The following PDZRN4 variants were observed in gnomAD, a reference collection of about 807,000 sequenced individuals.
PDZRN4 encodes PDZ domain-containing RING finger protein 4.
PDZRN4 carries 70 observed loss-of-function variants against 99.0 expected under a neutral mutation model. That is an observed-to-expected ratio of 0.71 (90% CI 0.58 to 0.86). PDZRN4 has a LOEUF of 0.86. Among genes scored for constraint, PDZRN4 ranks in the 40% least tolerant of loss-of-function variants. PDZRN4 has a pLI of 0.00. For missense variants in PDZRN4, 1,474 were observed against 1,331.2 expected (o/e 1.11, Z -1.67); for synonymous variants, 551 against 501.6 (o/e 1.10, Z -1.32).
At chr12:41,280,748 G>C (rs765952103) in intron 3 of PDZRN4, among the ~76,000 whole-genome samples, 1 of 152,118 alleles carries the variant, frequency 6.6e-6, no homozygotes, top group Non-Finnish European at 1.5e-5. Flanking sequence ...ATCTCCCTGG[G>C]ACAGAGCACC....
At chr12:41,301,609 C>T (rs576518445) in intron 3 of PDZRN4, among the ~76,000 whole-genome samples, 1 of 152,168 alleles carries the variant, frequency 6.6e-6, no homozygotes, top group African/African-American at 2.4e-5. Context: ...GTTAATCATA[C>T]TACATATTAT....
At chr12:41,196,573 T>A (rs2120649511) in intron 3 of PDZRN4, among the ~76,000 whole-genome samples, 1 of 152,244 alleles carries the variant, frequency 6.6e-6, no homozygotes, top group African/African-American at 2.4e-5. Flanking sequence ...TTTGAGTGAA[T>A]AGATATTTGT....
intron 3 of PDZRN4, among the ~76,000 whole-genome samples, chr12:41,344,196 A>G (rs897001648): frequency 6.6e-6 from 1 of 152,098 alleles, no homozygotes; most frequent in Non-Finnish European, 1.5e-5. Flanking sequence ...ATCTTAAATT[A>G]TATTTTCAAC....
In PDZRN4 at chr12:41,506,620, G is replaced by A. The variant is rs74483136; in HGVS notation, c.1008G>A (p.Thr336=). Residue 336 remains threonine, a synonymous_variant, in exon 4 of 10, where the codon ACG becomes ACA. Coordinates refer to ENST00000402685, the MANE Select transcript of PDZRN4 (RefSeq NM_001164595.2). ...EVQLMNASTQ[T]DITFEHIMAL... Reference sequence around the variant, plus strand: ...AGCTTATGAATGCCAGCACTCAGACGGACATCACCTTCGAACACATCATGG... The same window carrying A: ...AGCTTATGAATGCCAGCACTCAGACAGACATCACCTTCGAACACATCATGG... 6.7e-3 allele frequency: 10,787 copies of A among 1,613,846 alleles called. 615 individuals carry two copies. The East Asian group carries it at 0.15, about 23-fold the overall frequency.
intron 3 of PDZRN4, among the ~76,000 whole-genome samples, chr12:41,503,150 A>G (rs777699686): frequency 2.0e-5 from 3 of 152,156 alleles, no homozygotes; most frequent in South Asian, 2.1e-4. Context: ...AGGATCATCA[A>G]TGCTTGCATT....
At chr12:41,212,917 G>A (rs1950897379) in intron 3 of PDZRN4, among the ~76,000 whole-genome samples, 1 of 151,954 alleles carries the variant, frequency 6.6e-6, no homozygotes, top group African/African-American at 2.4e-5. Context: ...TGTATTATAG[G>A]AATTGAAAGA....
chr12:41,320,528 C>T (rs981413096), intron 3 of PDZRN4, among the ~76,000 whole-genome samples: 4 of 152,112 alleles, frequency 2.6e-5, no homozygotes, highest in African/African-American at 9.7e-5. Flanking sequence ...GAGGTGTCCT[C>T]TTATCAGTTC....
At chr12:41,232,399 A>G (rs1213892740) in intron 3 of PDZRN4, among the ~76,000 whole-genome samples, 5 of 152,076 alleles carry the variant, frequency 3.3e-5, no homozygotes, top group Admixed American at 2.6e-4. Flanking sequence ...CTATTTTTCC[A>G]TAGGCAGTTC....
At chr12:41,237,626 T>C (rs1951075778) in intron 3 of PDZRN4, among the ~76,000 whole-genome samples, 1 of 152,196 alleles carries the variant, frequency 6.6e-6, no homozygotes. Context: ...CGTTAATCCA[T>C]CTTGAGTTAA....
intron 3 of PDZRN4, among the ~76,000 whole-genome samples, chr12:41,343,363 G>A (rs7298953): frequency 0.39 from 58,515 of 151,504 alleles, 11,377 homozygotes; most frequent in South Asian, 0.42. Flanking sequence ...TTCTCTAATG[G>A]CCTTTCAATT....
At chr12:41,331,919 A>C (rs1951743206) in intron 3 of PDZRN4, among the ~76,000 whole-genome samples, 1 of 152,160 alleles carries the variant, frequency 6.6e-6, no homozygotes, top group South Asian at 2.1e-4. Context: ...ACACAGCCGA[A>C]TCTATCTGGA....
chr12:41,495,171 G>C (rs757416887), intron 3 of PDZRN4, among the ~76,000 whole-genome samples: 1 of 152,028 alleles, frequency 6.6e-6, no homozygotes, highest in Non-Finnish European at 1.5e-5. Flanking sequence ...GAGAAACAGA[G>C]AGAGAGATTG....
intron 5 of PDZRN4, among the ~76,000 whole-genome samples, chr12:41,534,665 G>A (rs557262968): frequency 1.3e-5 from 2 of 152,092 alleles, no homozygotes; most frequent in South Asian, 4.2e-4. Context: ...TAGGTTTTTT[G>A]TTTGTCTGAA....
Position 41,571,376 on chromosome 12 carries a change from T to TCACACA in PDZRN4, c.1585-962_1585-957dup, listed in dbSNP as rs147910134. The stretch of plus-strand genomic sequence containing the variant: ...CTCTCTCTCTCTCTCTCTCTCTCTC[T>TCACACA]CACACACACACACACACACACACAC... On this transcript the variant is annotated intron_variant, in intron 9 of 9. Coordinates refer to ENST00000402685, the MANE Select transcript of PDZRN4 (RefSeq NM_001164595.2). Among the ~76,000 whole-genome samples the TCACACA allele has an allele frequency of 8.5e-4, 56 of 65,584 alleles. 1 individual carries two copies. Among genetic ancestry groups the TCACACA allele is most frequent in the African/African-American group, 1.9e-3 (38 of 20,206 alleles). The allele number at this position is 65,584 out of a possible 152,430, so 43.0% of individuals were successfully genotyped here.
At chr12:41,435,136 G>A (rs1952617376) in intron 3 of PDZRN4, among the ~76,000 whole-genome samples, 2 of 152,194 alleles carry the variant, frequency 1.3e-5, no homozygotes, top group African/African-American at 4.8e-5. Flanking sequence ...TCCTGAGATA[G>A]AAACACAAGA....
At chr12:41,421,482 C>T (rs749467109) in intron 3 of PDZRN4, among the ~76,000 whole-genome samples, 2 of 152,096 alleles carry the variant, frequency 1.3e-5, no homozygotes, top group Non-Finnish European at 2.9e-5. Flanking sequence ...CATGAGCCAC[C>T]GTGCCCAGCC....
intron 3 of PDZRN4, among the ~76,000 whole-genome samples, chr12:41,305,616 G>A (rs982588146): frequency 2.0e-5 from 3 of 151,994 alleles, no homozygotes; most frequent in African/African-American, 7.2e-5. Context: ...CCCCACCATG[G>A]TCACTCCATC....
intron 3 of PDZRN4, among the ~76,000 whole-genome samples, chr12:41,285,261 T>C (rs1307429540): frequency 6.6e-6 from 1 of 151,992 alleles, no homozygotes; most frequent in African/African-American, 2.4e-5. Context: ...GAAAAGAAGC[T>C]CATCACTGGT....
intron 5 of PDZRN4, among the ~76,000 whole-genome samples, chr12:41,539,668 C>G (rs921214452): frequency 6.6e-6 from 1 of 152,140 alleles, no homozygotes; most frequent in Non-Finnish European, 1.5e-5. Context: ...ATCTTATCAA[C>G]AGGGTTATCT....
Sources: gnomAD v4.1 joint callset for allele counts (sites outside exome capture counted in the v4.1 genomes callset) on GRCh38, gnomAD v4.1.1 for gene constraint, MANE v1.5 for transcripts, NCBI Gene and HGNC (gene_info 2026-07-23, HGNC 2026-07-21) for gene names.